The following EPHB1 variants were observed in gnomAD, a reference collection of about 807,000 sequenced individuals.
EPHB1 encodes the protein ephrin type-B receptor 1.
A neutral mutation model predicts 94.4 loss-of-function variants in EPHB1; 30 were observed. The observed-to-expected ratio is 0.32, with a 90% CI of 0.24 to 0.43. EPHB1 has a LOEUF of 0.43. Among genes scored for constraint, EPHB1 ranks in the 20% least tolerant of loss-of-function variants. The pLI is 1.00. For synonymous variants in EPHB1, 522 were observed against 489.1 expected (o/e 1.07, Z -0.89); for missense variants, 1,055 against 1,308.3 (o/e 0.81, Z 2.99).
At chr3:135,242,030 C>G (rs1361069792) in intron 13 of EPHB1, among the ~76,000 whole-genome samples, 1 of 152,132 alleles carries the variant, frequency 6.6e-6, no homozygotes, top group African/African-American at 2.4e-5. Flanking sequence ...TTGGAATGTT[C>G]CACATGAGAA....
At chr3:135,091,370 T>G (rs1576375878) in intron 3 of EPHB1, among the ~76,000 whole-genome samples, 1 of 152,316 alleles carries the variant, frequency 6.6e-6, no homozygotes. Flanking sequence ...GCCTCATTTT[T>G]GCCATCATAG....
In EPHB1 at chr3:134,901,297, C is replaced by T. The variant is rs552270849; in HGVS notation, c.59-24519C>T. Reference sequence around the variant, plus strand: ...AATCAGGATCTAAACAAAATCTACACGTAACACTTGGTTGATTTGTCTCTT... The same window carrying T: ...AATCAGGATCTAAACAAAATCTACATGTAACACTTGGTTGATTTGTCTCTT... On this transcript the variant is annotated intron_variant, in intron 1 of 15. Transcript: ENST00000398015. Among the ~76,000 whole-genome samples the T allele has an allele frequency of 2.3e-3, 348 of 152,312 alleles. 2 individuals are homozygous for T. Among genetic ancestry groups the T allele is most frequent in the African/African-American group, 7.9e-3 (327 of 41,564 alleles).
At chr3:135,071,801 TC>T (rs1937725130) in intron 3 of EPHB1, among the ~76,000 whole-genome samples, 1 of 152,192 alleles carries the variant, frequency 6.6e-6, no homozygotes, top group African/African-American at 2.4e-5. Flanking sequence ...AATAGACATT[TC>T]CATCTGAGTG....
intron 3 of EPHB1, among the ~76,000 whole-genome samples, chr3:135,057,682 C>G (rs1257760090): frequency 6.6e-6 from 1 of 152,192 alleles, no homozygotes; most frequent in African/African-American, 2.4e-5. Context: ...ATCTCGATGT[C>G]AGATTCCTTG....
At chr3:135,207,008 A>G (rs2107714795) in intron 12 of EPHB1, among the ~76,000 whole-genome samples, 1 of 152,372 alleles carries the variant, frequency 6.6e-6, no homozygotes, top group Admixed American at 6.5e-5. Context: ...ATATACATGT[A>G]TACTCACATG....
chr3:134,999,407 A>C (rs16842467), intron 3 of EPHB1, among the ~76,000 whole-genome samples: 1 of 152,168 alleles, frequency 6.6e-6, no homozygotes, highest in African/African-American at 2.4e-5. Context: ...AAGAGGATAA[A>C]ATCAGATATG....
At chr3:135,145,008 C>T (rs1202713480) in intron 5 of EPHB1, among the ~76,000 whole-genome samples, 2 of 152,202 alleles carry the variant, frequency 1.3e-5, no homozygotes, top group Non-Finnish European at 1.5e-5. Context: ...TATTTATACC[C>T]AGTCTCCAAA....
chr3:135,255,151 T>C (rs1038075464), intron 15 of EPHB1, among the ~76,000 whole-genome samples: 1 of 152,100 alleles, frequency 6.6e-6, no homozygotes, highest in African/African-American at 2.4e-5. Context: ...TGTTGATCCT[T>C]TCAAAAAACC....
chr3:134,991,415 T>C (rs1467221509), intron 3 of EPHB1, among the ~76,000 whole-genome samples: 1 of 152,232 alleles, frequency 6.6e-6, no homozygotes, highest in Admixed American at 6.5e-5. Flanking sequence ...TTTGAGGTAG[T>C]GGTGGGGTAA....
chr3:134,993,497 G>A (rs572774364), intron 3 of EPHB1, among the ~76,000 whole-genome samples: 23 of 152,282 alleles, frequency 1.5e-4, no homozygotes, highest in African/African-American at 5.3e-4. Context: ...AGCTTGGCCC[G>A]GGAGTTCAGA....
chr3:135,049,544 G>A (rs1937106106), intron 3 of EPHB1, among the ~76,000 whole-genome samples: 2 of 152,198 alleles, frequency 1.3e-5, no homozygotes, highest in African/African-American at 4.8e-5. Flanking sequence ...TCAAAATGGA[G>A]CATCCCAAGA....
At chr3:134,999,327 T>C (rs905891028) in intron 3 of EPHB1, among the ~76,000 whole-genome samples, 3 of 152,164 alleles carry the variant, frequency 2.0e-5, no homozygotes, top group Non-Finnish European at 2.9e-5. Flanking sequence ...GGGAAGGTGA[T>C]TGTGACTAGA....
At chr3:134,936,247 C>T (rs1195125802) in intron 2 of EPHB1, among the ~76,000 whole-genome samples, 2 of 152,058 alleles carry the variant, frequency 1.3e-5, no homozygotes, top group African/African-American at 2.4e-5. Flanking sequence ...CCTGATAAAT[C>T]ATTGTTTAAA....
chr3:134,976,074 G>T lies in EPHB1; in HGVS notation c.805+24022G>T, dbSNP rs573735328. Among the ~76,000 whole-genome samples, 549 of 152,308 alleles carry T rather than the reference G, an allele frequency of 3.6e-3. 1 individual carries two copies. The highest frequency in any genetic ancestry group is 6.3e-3 in the Non-Finnish European group (427 of 68,018). ...GTCTGCCTTGGCCTGGGTCCTGGAT[G>T]GGGTATTTCAGGCCCTCTGTACGGG... On this transcript the variant is annotated intron_variant, in intron 3 of 15. Coordinates refer to ENST00000398015, the MANE Select transcript of EPHB1 (RefSeq NM_004441.5).
At chr3:134,941,591 A>C (rs1205476358) in intron 2 of EPHB1, among the ~76,000 whole-genome samples, 1 of 152,236 alleles carries the variant, frequency 6.6e-6, no homozygotes, top group Non-Finnish European at 1.5e-5. Context: ...CTGAAATTCA[A>C]ATCCACTCTT....
intron 5 of EPHB1, 51 bp downstream of exon 5, chr3:135,133,100 G>A: frequency 6.6e-7 from 1 of 1,516,396 alleles, no homozygotes; most frequent in Non-Finnish European, 8.9e-7. Flanking sequence ...CTGGCTCTTT[G>A]TCTCTAGGCA....
intron 4 of EPHB1, among the ~76,000 whole-genome samples, chr3:135,116,576 G>A (rs1433825329): frequency 2.6e-5 from 4 of 152,152 alleles, no homozygotes; most frequent in Non-Finnish European, 5.9e-5. Flanking sequence ...ACTTTTCAGA[G>A]TCACCACTGC....
intron 13 of EPHB1, among the ~76,000 whole-genome samples, chr3:135,246,258 A>C (rs112200388): frequency 0.012 from 1,837 of 152,048 alleles, 33 homozygotes; most frequent in African/African-American, 0.041. Context: ...TGCAACCCAG[A>C]AGGAGCTCTA....
intron 3 of EPHB1, among the ~76,000 whole-genome samples, chr3:135,101,500 A>G (rs576275259): frequency 6.6e-6 from 1 of 151,882 alleles, no homozygotes; most frequent in East Asian, 1.9e-4. Context: ...CAGCATCCTG[A>G]GTAGCTGGGA....
Sources: gnomAD v4.1 joint callset for allele counts (sites outside exome capture counted in the v4.1 genomes callset) on GRCh38, gnomAD v4.1.1 for gene constraint, MANE v1.5 for transcripts, NCBI Gene and HGNC (gene_info 2026-07-23, HGNC 2026-07-21) for gene names.